The following AMZ2 variants were observed in gnomAD, a reference collection of about 807,000 sequenced individuals.
The protein encoded by AMZ2 is archaelysin family metallopeptidase 2, also known as archaemetzincin-2.
AMZ2 carries 26 observed loss-of-function variants against 36.7 expected under a neutral mutation model. That is an observed-to-expected ratio of 0.71 (90% CI 0.52 to 0.98). The LOEUF (loss-of-function observed/expected upper bound fraction) is 0.98. Among genes scored for constraint, AMZ2 ranks in the 50% least tolerant of loss-of-function variants. AMZ2 has a pLI of 0.00. For missense variants in AMZ2, 394 were observed against 430.5 expected (o/e 0.92, Z 0.75); for synonymous variants, 144 against 149.1 (o/e 0.97, Z 0.25).
chr17:68,247,873 G>C (rs1216183521), upstream of AMZ2: 2 of 985,542 alleles, frequency 2.0e-6, no homozygotes, highest in Non-Finnish European at 2.4e-6. Flanking sequence ...TATTCTGGAA[G>C]AGGCGGGTCG....
upstream of AMZ2, among the ~76,000 whole-genome samples, chr17:68,245,177 G>A (rs547170749): frequency 6.7e-6 from 1 of 148,766 alleles, no homozygotes; most frequent in African/African-American, 2.5e-5. Flanking sequence ...CTTAGTAAGA[G>A]AAAGTGTCTT....
chr17:68,209,927 ATTC>A (rs1350338334), intron 1 of AMZ2, among the ~76,000 whole-genome samples: 1 of 152,026 alleles, frequency 6.6e-6, no homozygotes, highest in Non-Finnish European at 1.5e-5. Flanking sequence ...GCCCCAGTAT[ATTC>A]TTTTGATTTT....
chr17:68,254,876 T>C (rs782491654), intron 5 of AMZ2, among the ~76,000 whole-genome samples: 3 of 152,190 alleles, frequency 2.0e-5, no homozygotes, highest in Non-Finnish European at 4.4e-5. Flanking sequence ...ACTGTGGTCA[T>C]TGGGCAAAGC....
chr17:68,238,538 A>G (rs1555733323), intron 1 of AMZ2, among the ~76,000 whole-genome samples: 1 of 138,526 alleles, frequency 7.2e-6, no homozygotes, highest in Non-Finnish European at 1.5e-5. Context: ...TGCCATATGT[A>G]TATATATATA....
intron 1 of AMZ2, among the ~76,000 whole-genome samples, chr17:68,242,815 G>A (rs1377151092): frequency 2.6e-5 from 4 of 152,006 alleles, no homozygotes; most frequent in Admixed American, 2.0e-4. Context: ...GCATGCAGAT[G>A]TCTTGAGCCC....
chr17:68,219,563 A>C (rs1189507822), intron 1 of AMZ2, among the ~76,000 whole-genome samples: 3 of 150,228 alleles, frequency 2.0e-5, no homozygotes, highest in Non-Finnish European at 4.5e-5. Flanking sequence ...ATAGGGTCTC[A>C]CTCTGCCACC....
rs114608949 is a variant in AMZ2 at position 68,248,378 on chromosome 17, A to G, written c.-328A>G. The G allele has an allele frequency of 4.4e-3, 4,383 of 986,028 alleles. 125 individuals are homozygous for G. The African/African-American group carries it at 0.066, about 15-fold the overall frequency. The allele number at this position is 986,028 out of a possible 1,614,324, so 61.1% of individuals were successfully genotyped here. On this transcript the variant is annotated 5_prime_UTR_variant, in exon 1 of 7. The change abolishes an upstream ATG in the 5' untranslated region. Coordinates refer to ENST00000359904, the MANE Select transcript of AMZ2 (RefSeq NM_016627.5). ...CAGCTGGAGACTGGGTTGTGTCTGC[A>G]TGGACCAGAGCCCACAGTGCGAGTT...
intron 1 of AMZ2, among the ~76,000 whole-genome samples, chr17:68,236,049 C>T (rs376586368): frequency 6.6e-6 from 1 of 151,972 alleles, no homozygotes; most frequent in Non-Finnish European, 1.5e-5. Flanking sequence ...AGGCTGGTCT[C>T]GAACTCCTAA....
chr17:68,221,209 T>TCCCCCCCCCCCCCCCCCCCCC (rs55937321), intron 1 of AMZ2, among the ~76,000 whole-genome samples: 3 of 66,776 alleles, frequency 4.5e-5, no homozygotes, highest in Non-Finnish European at 8.0e-5. Context: ...AGCCCTCAGC[T>TCCCCCCCCCCCCCCCCCCCCC]CCCCCCCCCG....
chr17:68,212,016 T>TC (rs2073080355), intron 1 of AMZ2, among the ~76,000 whole-genome samples: 1 of 151,928 alleles, frequency 6.6e-6, no homozygotes, highest in East Asian at 1.9e-4. Flanking sequence ...TATATCTGTA[T>TC]TTATATATCT....
chr17:68,223,899 T>TATATATATA (rs36111520), intron 1 of AMZ2, among the ~76,000 whole-genome samples: 6 of 103,868 alleles, frequency 5.8e-5, no homozygotes, highest in South Asian at 2.7e-4. Context: ...TATATATATA[T>TATATATATA]TTTTTTTTGA....
At chr17:68,249,883 G>A (rs1875326974) in intron 1 of AMZ2, 1 of 336,314 alleles carries the variant, frequency 3.0e-6, no homozygotes, top group South Asian at 3.1e-5. Flanking sequence ...CTGGCCTCAA[G>A]CAATCCTCCT....
At chr17:68,247,722 C>T (rs1785822476), upstream of AMZ2, 1 of 985,520 alleles carries the variant, frequency 1.0e-6, no homozygotes, top group Non-Finnish European at 1.2e-6. Context: ...CTGCCGAGGA[C>T]GTTCCCACAC....
chr17:68,237,719 G>T (rs1278204444), intron 1 of AMZ2, among the ~76,000 whole-genome samples: 8 of 152,192 alleles, frequency 5.3e-5, no homozygotes, highest in African/African-American at 1.9e-4. Flanking sequence ...AAAAAGCCTT[G>T]AGGGGTCCCT....
chr17:68,211,006 T>C (rs1308547707), intron 1 of AMZ2, among the ~76,000 whole-genome samples: 1 of 151,990 alleles, frequency 6.6e-6, no homozygotes, highest in Non-Finnish European at 1.5e-5. Context: ...ATGCATACTT[T>C]ACCACAATTT....
chr17:68,217,837 G>A (rs1350440681), intron 1 of AMZ2, among the ~76,000 whole-genome samples: 1 of 145,754 alleles, frequency 6.9e-6, no homozygotes, highest in Non-Finnish European at 1.5e-5. Flanking sequence ...TTTTGAGATG[G>A]AGGCTGGCTC....
intron 1 of AMZ2, among the ~76,000 whole-genome samples, chr17:68,211,766 ATG>A (rs1300776907): frequency 2.7e-4 from 37 of 135,786 alleles, no homozygotes; most frequent in South Asian, 6.8e-4. Context: ...ATATGTATAT[ATG>A]TGTATATGTA....
intron 1 of AMZ2, chr17:68,249,085 A>C (rs2074244635): frequency 2.5e-6 from 3 of 1,187,574 alleles, no homozygotes; most frequent in Non-Finnish European, 3.1e-6. Flanking sequence ...TGAATGGAAG[A>C]AACCTGTCAT....
At position 68,255,796 on chromosome 17, in the gene AMZ2, C is replaced by G. The variant is rs200439485; in HGVS notation, c.847C>G (p.Arg283Gly). The change falls in exon 6 of 7, where the codon CGG becomes GGG. Residue 283 changes from arginine (R) to glycine (G), a missense_variant. By Grantham distance (125) the Arg-to-Gly change is moderately radical (BLOSUM62 -2). Transcript: ENST00000359904. ...QGSNHLEEAD[R>G]RPLNLCPICL... is the part of the protein sequence containing the mutation. ...CTCCAACCACTTGGAAGAAGCTGAC[C>G]GGCGCCCTCTAAACCTTTGCCCTAT... The G allele has an allele frequency of 9.3e-6, 15 of 1,614,016 alleles. No homozygotes were observed. Among genetic ancestry groups the G allele is most frequent in the Middle Eastern group, 1.6e-4 (1 of 6,084 alleles).
Sources: allele counts gnomAD v4.1 joint callset (sites outside exome capture counted in the v4.1 genomes callset), GRCh38; gene constraint gnomAD v4.1.1; transcripts MANE v1.5; gene names NCBI Gene and HGNC (gene_info 2026-07-23, HGNC 2026-07-21).